PCLO: variants seen among roughly 807,000 people sequenced by gnomAD.
PCLO encodes piccolo presynaptic cytomatrix protein.
In PCLO, 82 loss-of-function variants were observed where a neutral mutation model predicts 427.5. The ratio of observed to expected loss-of-function variants is 0.19; its 90% CI spans 0.16 to 0.23. The LOEUF (loss-of-function observed/expected upper bound fraction) is 0.23. Among genes scored for constraint, PCLO ranks in the 10% least tolerant of loss-of-function variants. The pLI, the probability that PCLO is intolerant of heterozygous loss-of-function variation, is 1.00. For missense variants in PCLO, 6,239 were observed against 6,115.9 expected (o/e 1.02, Z -0.67); for synonymous variants, 2,357 against 2,155.4 (o/e 1.09, Z -2.59).
At chr7:83,112,269 G>A (rs1172741777) in intron 3 of PCLO, among the ~76,000 whole-genome samples, 2 of 152,068 alleles carry the variant, frequency 1.3e-5, no homozygotes, top group Non-Finnish European at 2.9e-5. Context: ...TGTTGGTCAG[G>A]CTGGTCTCGA....
chr7:82,787,163 C>T (rs1791002368), intron 22 of PCLO, among the ~76,000 whole-genome samples: 1 of 152,232 alleles, frequency 6.6e-6, no homozygotes, highest in African/African-American at 2.4e-5. Flanking sequence ...AATAACCACA[C>T]TGTCTTCCAC....
At chr7:83,046,863 T>C (rs115040349) in intron 3 of PCLO, among the ~76,000 whole-genome samples, 3,705 of 151,998 alleles carry the variant, frequency 0.024, 150 homozygotes, top group African/African-American at 0.085. Flanking sequence ...ATATGGAACA[T>C]TAAAAGCAAA....
chr7:82,914,956 T>G lies in PCLO; in HGVS notation c.13030A>C (p.Ile4344Leu). 6.2e-7 allele frequency: 1 copy of G among 1,613,734 alleles called. No homozygotes were observed. The highest frequency in any genetic ancestry group is 8.5e-7 in the Non-Finnish European group (1 of 1,179,728). Residue 4344 changes from isoleucine to leucine, a missense_variant, in exon 7 of 25, where the codon ATT (isoleucine) becomes CTT (leucine). Coordinates refer to ENST00000333891, the MANE Select transcript of PCLO (RefSeq NM_033026.6). ...SARTKPTSLP[I>L]SQSRGRIPIV... is the part of the protein sequence containing the mutation. ...GGTATTCTTCCTCTACTTTGACTAA[T>G]TGGCAAACTGGTCGGCTTAGTTCTG...
chr7:82,966,126 A>G lies in PCLO; in HGVS notation c.3662T>C (p.Ile1221Thr). 3 of 1,602,886 alleles carry G rather than the reference A, an allele frequency of 1.9e-6. No homozygotes were observed. The highest frequency in any genetic ancestry group is 2.5e-6 in the Non-Finnish European group (3 of 1,177,126). ...AGAACGTATCTTTTCTTCTTCAGGG[A>G]TTAGTTTTTTTTCTTCAGGGAGTGG... ...KKPLPEEKKL[I>T]PEEEKIRSEE... Residue 1221 changes from isoleucine (I) to threonine (T), a missense_variant, in exon 4 of 25, where the codon ATC becomes ACC. By Grantham distance (89) the Ile-to-Thr change is moderately conservative. Coordinates refer to ENST00000333891, the MANE Select transcript of PCLO (RefSeq NM_033026.6).
At chr7:82,824,201 A>C in intron 19 of PCLO, 35 bp downstream of exon 19, 3 of 1,472,448 alleles carry the variant, frequency 2.0e-6, no homozygotes, top group Non-Finnish European at 2.8e-6. Context: ...ACAAATAGAC[A>C]CAAAACTTTT....
chr7:82,886,988 A>C (rs1793642329), intron 9 of PCLO, among the ~76,000 whole-genome samples: 1 of 152,114 alleles, frequency 6.6e-6, no homozygotes, highest in Non-Finnish European at 1.5e-5. Context: ...ATATTATTTT[A>C]TGTTTAGTGT....
At chr7:82,896,939 C>A (rs998366014) in intron 9 of PCLO, among the ~76,000 whole-genome samples, 1 of 151,584 alleles carries the variant, frequency 6.6e-6, no homozygotes, top group Non-Finnish European at 1.5e-5. Flanking sequence ...ATAGCAAATG[C>A]CTTTTTCAAA....
intron 20 of PCLO, chr7:82,822,202 G>A: frequency 2.4e-6 from 3 of 1,236,632 alleles, no homozygotes; most frequent in East Asian, 8.5e-5. Context: ...ACACAACATT[G>A]CTTTGCTTCC....
At chr7:83,107,621 T>C (rs140795815) in intron 3 of PCLO, among the ~76,000 whole-genome samples, 3,140 of 151,450 alleles carry the variant, frequency 0.021, 52 homozygotes, top group Non-Finnish European at 0.03. Context: ...AACTAAAAAC[T>C]AAAACCAGTT....
At chr7:82,938,746 G>C (rs1351938885) in intron 6 of PCLO, among the ~76,000 whole-genome samples, 1 of 151,898 alleles carries the variant, frequency 6.6e-6, no homozygotes, top group African/African-American at 2.4e-5. Flanking sequence ...CTTTTATATG[G>C]TGCTGTTGGA....
At chr7:82,820,702 C>T (rs1193292613) in intron 20 of PCLO, 1 of 1,231,060 alleles carries the variant, frequency 8.1e-7, no homozygotes, top group Non-Finnish European at 1.0e-6. Context: ...AAAAGTTACA[C>T]TTGAAATAAT....
rs1021714603 is a variant in PCLO, at chr7:82,864,547, T to C, written c.13654+14790A>G. 2.0e-5 allele frequency among the ~76,000 whole-genome samples: 3 copies of C among 152,190 alleles called. No homozygotes were observed. The South Asian group carries it at 6.2e-4, about 32-fold the overall frequency. ...CATAAAAGGAAAGGTTTATAATAAT[T>C]AGATCATTATTTTAAAAACATCTTG... On this transcript the variant is annotated intron_variant, in intron 10 of 24. Coordinates refer to ENST00000333891, the MANE Select transcript of PCLO (RefSeq NM_033026.6).
intron 3 of PCLO, among the ~76,000 whole-genome samples, chr7:82,999,728 TAAATATA>T (rs1349071315): frequency 8.8e-6 from 1 of 113,690 alleles, no homozygotes; most frequent in Non-Finnish European, 1.7e-5. Flanking sequence ...TATATAATAT[TAAATATA>T]AAATATAATA....
Position 82,826,607 on chromosome 7 carries a change from G to A in PCLO, c.14397C>T (p.Ser4799=). ...VTVWDYDRFS[S]NDFLGEVLID... is the part of the protein sequence containing the mutation. ...GGCTTACCTCCCCAAGGAAGTCGTTGGATGAAAATCTATCATAATCCCAAA... is the reference window on the plus strand; with the variant it reads ...GGCTTACCTCCCCAAGGAAGTCGTTAGATGAAAATCTATCATAATCCCAAA... The change falls in exon 18 of 25, where the codon TCC becomes TCT. Residue 4799 remains serine, a synonymous_variant. Transcript: ENST00000333891. 6.2e-7 allele frequency: 1 copy of A among 1,605,272 alleles called. No homozygotes were observed. Among genetic ancestry groups the A allele is most frequent in the Non-Finnish European group, 8.5e-7 (1 of 1,174,488 alleles).
At chr7:82,939,828 G>C (rs907723707) in intron 6 of PCLO, among the ~76,000 whole-genome samples, 1 of 150,948 alleles carries the variant, frequency 6.6e-6, no homozygotes, top group African/African-American at 2.4e-5. Flanking sequence ...CCTTAAAATT[G>C]AATAACAAAG....
chr7:83,033,999 C>T (rs184258319), intron 3 of PCLO, among the ~76,000 whole-genome samples: 5 of 152,076 alleles, frequency 3.3e-5, no homozygotes, highest in African/African-American at 1.2e-4. Flanking sequence ...AATACTTAGC[C>T]TTATTCAAGT....
intron 7 of PCLO, 55 bp downstream of exon 7, chr7:82,914,631 G>A: frequency 6.4e-7 from 1 of 1,558,064 alleles, no homozygotes; most frequent in African/African-American, 1.3e-5. Context: ...TAAACATGCA[G>A]AAAAATAAGA....
At position 82,754,502 on chromosome 7, in the gene PCLO, A is replaced by C. The variant is rs75443649; in HGVS notation, c.*4073T>G. ...CGTCACCAAACAAATATACAGACAC[A>C]ATCAAACAATAATCATATTCACATG... On this transcript the variant is annotated 3_prime_UTR_variant, in exon 25 of 25. Transcript: ENST00000333891. 5.1e-3 allele frequency: 769 copies of C among 152,250 alleles called. 5 individuals carry two copies. The highest frequency in any genetic ancestry group is 0.018 in the African/African-American group (738 of 41,574). The allele number at this position is 152,250 out of a possible 1,614,324, so 9.4% of individuals were successfully genotyped here.
At chr7:82,992,110 C>T (rs896042447) in intron 3 of PCLO, among the ~76,000 whole-genome samples, 1 of 152,110 alleles carries the variant, frequency 6.6e-6, no homozygotes, top group African/African-American at 2.4e-5. Context: ...ATAATTATTA[C>T]TAAAAAGAAA....
Sources: gnomAD v4.1 joint callset for allele counts (sites outside exome capture counted in the v4.1 genomes callset) on GRCh38, gnomAD v4.1.1 for gene constraint, MANE v1.5 for transcripts, NCBI Gene and HGNC (gene_info 2026-07-23, HGNC 2026-07-21) for gene names.